The following CFAP61 variants were observed in gnomAD, a reference collection of about 807,000 sequenced individuals.
The protein encoded by CFAP61 is cilia- and flagella-associated protein 61.
CFAP61 carries 107 observed loss-of-function variants against 135.6 expected under a neutral mutation model. That is an observed-to-expected ratio of 0.79 (90% CI 0.67 to 0.93). The LOEUF (loss-of-function observed/expected upper bound fraction) is 0.93. Ranked by LOEUF, CFAP61 falls within the 40% of genes least tolerant of loss-of-function variation. CFAP61 has a pLI of 0.00. For missense variants in CFAP61, 1,507 were observed against 1,556.2 expected (o/e 0.97, Z 0.53); for synonymous variants, 575 against 578.5 (o/e 0.99, Z 0.09).
intron 7 of CFAP61, chr20:20,095,749 C>A (rs1415864136): frequency 2.6e-5 from 4 of 152,302 alleles, no homozygotes; most frequent in African/African-American, 9.7e-5. Flanking sequence ...GCAGGGAAAG[C>A]CTGCCAGGTC....
intron 25 of CFAP61, among the ~76,000 whole-genome samples, chr20:20,332,339 C>T (rs1315892662): frequency 6.6e-6 from 1 of 152,168 alleles, no homozygotes; most frequent in Non-Finnish European, 1.5e-5. Flanking sequence ...CAAGTAAGAC[C>T]AAAAGTCAGA....
chr20:20,277,026 G>T (rs1365093676), intron 21 of CFAP61, 140 bp from the exon 22 acceptor site: 2 of 593,738 alleles, frequency 3.4e-6, no homozygotes, highest in African/African-American at 1.9e-5. Context: ...GATCTTGGTC[G>T]CCGTTGCTAG....
chr20:20,076,354 G>T (rs2046050169), intron 6 of CFAP61, among the ~76,000 whole-genome samples: 1 of 152,192 alleles, frequency 6.6e-6, no homozygotes, highest in Admixed American at 6.5e-5. Flanking sequence ...GCAAGGGGAG[G>T]GGTGGTTGAC....
At chr20:20,333,117 T>G (rs2058059934) in intron 25 of CFAP61, among the ~76,000 whole-genome samples, 1 of 152,228 alleles carries the variant, frequency 6.6e-6, no homozygotes, top group African/African-American at 2.4e-5. Context: ...AACAAAAAAG[T>G]ATTTTAATAT....
intron 24 of CFAP61, among the ~76,000 whole-genome samples, chr20:20,297,960 A>C (rs1480808448): frequency 6.6e-6 from 1 of 152,228 alleles, no homozygotes; most frequent in Non-Finnish European, 1.5e-5. Context: ...GAACAAGGCA[A>C]TCACAGTTTT....
chr20:20,255,186 T>C (rs2051429124), intron 20 of CFAP61, among the ~76,000 whole-genome samples: 1 of 152,216 alleles, frequency 6.6e-6, no homozygotes, highest in Non-Finnish European at 1.5e-5. Flanking sequence ...CAATCAATGT[T>C]GATCATTTTT....
intron 6 of CFAP61, among the ~76,000 whole-genome samples, chr20:20,081,655 C>G (rs564306732): frequency 1.3e-5 from 2 of 152,092 alleles, no homozygotes; most frequent in Non-Finnish European, 2.9e-5. Context: ...TTTCCTACAC[C>G]CCTTCCTTCT....
Position 20,071,108 on chromosome 20 carries a change from C to T in CFAP61, c.294+104C>T, listed in dbSNP as rs1049224660. On this transcript the variant is annotated intron_variant, in intron 3 of 26. Transcript: ENST00000245957. ...AAGTTTTGTACTGAGCAGTATATGA[C>T]ATCATGACAGTTAAAAGTGAAGGGA... The T allele has an allele frequency of 2.3e-5, 26 of 1,139,540 alleles. No individual in the cohort carries two copies. In the Admixed American group the frequency reaches 5.8e-4, roughly 26 times the overall value. 70.6% of individuals were successfully genotyped at this position (1,139,540 alleles called of 1,614,324 possible).
chr20:20,055,454 G>A (rs573372892), intron 1 of CFAP61, among the ~76,000 whole-genome samples: 2 of 152,128 alleles, frequency 1.3e-5, no homozygotes, highest in African/African-American at 2.4e-5. Flanking sequence ...CCCATCCAAA[G>A]TCCCAGGTAG....
intron 8 of CFAP61, among the ~76,000 whole-genome samples, chr20:20,141,199 G>C (rs1175027755): frequency 1.3e-5 from 2 of 152,182 alleles, no homozygotes; most frequent in African/African-American, 4.8e-5. Flanking sequence ...GGGATTACAG[G>C]TGTGAGCTAC....
intron 10 of CFAP61, among the ~76,000 whole-genome samples, chr20:20,162,164 T>C (rs1270572914): frequency 6.6e-6 from 1 of 152,136 alleles, no homozygotes; most frequent in African/African-American, 2.4e-5. Flanking sequence ...CAGCGCAGCA[T>C]CTTCCTCCCT....
intron 17 of CFAP61, among the ~76,000 whole-genome samples, chr20:20,218,407 T>C (rs1243797123): frequency 6.6e-6 from 1 of 152,202 alleles, no homozygotes; most frequent in African/African-American, 2.4e-5. Context: ...CACGTGGAAC[T>C]GTAAGTCCAA....
rs556621735 is a variant in CFAP61, at chr20:20,324,506, T to C, written c.3423-17325T>C. 5.3e-5 allele frequency among the ~76,000 whole-genome samples: 8 copies of C among 152,304 alleles called. No individual in the cohort carries two copies. In the East Asian group the frequency reaches 1.5e-3, roughly 29 times the overall value. On this transcript the variant is annotated intron_variant, in intron 25 of 26. Transcript: ENST00000245957. ...AGCTAAATCCCAATTTACTTAATGA[T>C]TTTTCTACTAATGAACATTTAGGTT...
At chr20:20,324,435 A>G (rs76602377) in intron 25 of CFAP61, among the ~76,000 whole-genome samples, 239 of 152,314 alleles carry the variant, frequency 1.6e-3, no homozygotes, top group Middle Eastern at 3.4e-3. Context: ...ATGTCAGTAC[A>G]CATAGTTCTC....
rs2048885059 is a variant in CFAP61, at chr20:20,228,260, T to C, written c.1944T>C (p.Ala648=). 6.2e-7 allele frequency: 1 copy of C among 1,609,452 alleles called. No individual in the cohort carries two copies. The highest frequency in any genetic ancestry group is 1.3e-5 in the African/African-American group (1 of 74,994). The change falls in exon 18 of 27, where the codon GCT becomes GCC. Residue 648 remains alanine, a synonymous_variant. Coordinates refer to ENST00000245957, the MANE Select transcript of CFAP61 (RefSeq NM_015585.4). The part of the protein sequence containing the change: ...KAVSKDPMSY[A]LNHTNRKLTL... ...TATTTTTTTTCCAGATGAGTTATGC[T>C]TTAAACCATACAAACAGAAAACTAA...
intron 26 of CFAP61, among the ~76,000 whole-genome samples, chr20:20,353,911 T>G (rs1365506551): frequency 6.6e-6 from 1 of 152,236 alleles, no homozygotes; most frequent in Non-Finnish European, 1.5e-5. Context: ...GAAAACAGTA[T>G]GGAGGTTCCT....
chr20:20,183,655 A>T (rs1011069647), intron 13 of CFAP61, among the ~76,000 whole-genome samples: 5 of 128,612 alleles, frequency 3.9e-5, no homozygotes, highest in African/African-American at 1.5e-4. Context: ...TTTATTTCTT[A>T]TTTAACCCAT....
chr20:20,056,776 G>A lies in CFAP61; in HGVS notation c.123G>A (p.Lys41=). ...AATTTACCTGCAAGCTGTTTGGGAA[G>A]CTAAATATCATCTATCTTCTGTAAG... ...IRKFTCKLFG[K]LNIIYLLEKA... Residue 41 remains lysine, a synonymous_variant, in exon 2 of 27, where the codon AAG becomes AAA. Transcript: ENST00000245957. 1 of 1,614,060 alleles carries A rather than the reference G, an allele frequency of 6.2e-7. No individual in the cohort carries two copies.
In CFAP61 at chr20:20,360,370, G is replaced by A. The variant is rs374065553; in HGVS notation, c.3674G>A (p.Arg1225His). ...RSTLDYLHYN[R>H]YHLPMYAWPG... The stretch of plus-strand genomic sequence containing the variant: ...ACTCTTGACTACCTGCACTATAACC[G>A]CTACCACCTGCCCATGTACGCGTGG... Residue 1225 changes from arginine to histidine, a missense_variant, in exon 27 of 27, where the codon CGC becomes CAC. Arg to His is a conservative substitution (Grantham distance 29). Transcript: ENST00000245957. 6.2e-6 allele frequency: 10 copies of A among 1,613,742 alleles called. No individual in the cohort carries two copies. The highest frequency in any genetic ancestry group is 2.2e-5 in the East Asian group (1 of 44,898).
Sources: gnomAD v4.1 joint callset for allele counts (sites outside exome capture counted in the v4.1 genomes callset) on GRCh38, gnomAD v4.1.1 for gene constraint, MANE v1.5 for transcripts, NCBI Gene and HGNC (gene_info 2026-07-23, HGNC 2026-07-21) for gene names.